Variants in CASD1 observed in about 807,000 individuals in gnomAD.
CASD1 encodes CAS1 domain sialic acid O acetyltransferase 1.
A neutral mutation model predicts 100.0 loss-of-function variants in CASD1; 41 were observed. The observed-to-expected ratio is 0.41, with a 90% CI of 0.32 to 0.53. The LOEUF (loss-of-function observed/expected upper bound fraction) is 0.53. Ranked by LOEUF, CASD1 falls within the 20% of genes least tolerant of loss-of-function variation. The probability of loss-of-function intolerance (pLI) is 0.25; values close to 1 mark genes in which losing one functional copy is unlikely to be tolerated. For synonymous variants in CASD1, 321 were observed against 315.6 expected, an observed-to-expected ratio of 1.02 and a Z score of -0.18; for missense variants, 774 against 948.7, an observed-to-expected ratio of 0.82 and a Z score of 2.42.
intron 7 of CASD1, 29 bp downstream of exon 7, chr7:94,533,831 CTT>C: frequency 6.6e-7 from 1 of 1,510,668 alleles, no homozygotes. Context: ...AAAAATGTCA[CTT>C]TGTGTATATT....
intron 13 of CASD1, among the ~76,000 whole-genome samples, chr7:94,547,392 C>T (rs1250332685): frequency 6.6e-6 from 1 of 151,798 alleles, no homozygotes; most frequent in East Asian, 1.9e-4. Context: ...AAAGCTCTTC[C>T]TCTGGCAGTT....
At chr7:94,511,963 G>A (rs1004738267) in intron 1 of CASD1, among the ~76,000 whole-genome samples, 1 of 152,202 alleles carries the variant, frequency 6.6e-6, no homozygotes, top group Non-Finnish European at 1.5e-5. Context: ...GTACTTCAGT[G>A]CCTTGAGTGT....
At chr7:94,630,281 TC>T in the CASD1 span, among the ~76,000 whole-genome samples, 1 of 151,974 alleles carries the variant, frequency 6.6e-6, no homozygotes, top group Admixed American at 6.6e-5. Flanking sequence ...GTGGTAAGAA[TC>T]CATACTATAC....
the CASD1 span, chr7:94,628,245 CCATATAGGACTCCATCA>C: frequency 6.2e-7 from 1 of 1,611,890 alleles, no homozygotes; most frequent in Non-Finnish European, 8.5e-7. Flanking sequence ...TGTTGGGGAC[CCATATAGGACTCCATCA>C]CTATATGGTG....
Position 94,535,317 on chromosome 7 carries a change from T to G in CASD1, c.637T>G (p.Tyr213Asp). The change falls in exon 8 of 18, where the codon TAT becomes GAT. Residue 213 changes from tyrosine (Y) to aspartate (D), a missense_variant. Transcript: ENST00000297273. ...DVYWVLQDPVYEDLLSENRKM... is the reference protein window; with the variant it reads ...DVYWVLQDPVDEDLLSENRKM... Reference sequence around the variant, plus strand: ...ATGTGTCTCACGTGCAGATCCTGTTTATGAAGATCTATTAAGTGAAAATAG... The same window carrying G: ...ATGTGTCTCACGTGCAGATCCTGTTGATGAAGATCTATTAAGTGAAAATAG... 1 of 1,610,310 alleles carries G rather than the reference T, an allele frequency of 6.2e-7. No homozygotes were observed. Among genetic ancestry groups the G allele is most frequent in the Non-Finnish European group, 8.5e-7 (1 of 1,177,250 alleles).
chr7:94,543,370 A>G (rs1795513084), intron 10 of CASD1, among the ~76,000 whole-genome samples: 1 of 152,094 alleles, frequency 6.6e-6, no homozygotes. Context: ...AAAGCAGTGT[A>G]TGGACAGGCG....
Position 94,535,568 on chromosome 7 carries a change from A to G in CASD1, c.843+45A>G, listed in dbSNP as rs755150089. 202 of 1,359,958 alleles carry G rather than the reference A, an allele frequency of 1.5e-4. 1 individual carries two copies. The highest frequency in any genetic ancestry group is 2.0e-4 in the Non-Finnish European group (190 of 954,684). 84.2% of individuals were successfully genotyped at this position (1,359,958 alleles called of 1,614,324 possible). A position where few individuals can be genotyped will look rare whatever the true frequency, so the allele number is the denominator to read the frequency against. On this transcript the variant is annotated intron_variant, in intron 8 of 17. Transcript: ENST00000297273. ...GTCAGTAGATGGAGACTATAATATC[A>G]ATTGCTTTAAGCCATAAGTCATTAT...
chr7:94,614,991 T>A, the CASD1 span, among the ~76,000 whole-genome samples: 1 of 152,160 alleles, frequency 6.6e-6, no homozygotes, highest in African/African-American at 2.4e-5. Context: ...CATTTGCAAA[T>A]ATTTCTATAT....
At chr7:94,577,989 T>C in the CASD1 span, among the ~76,000 whole-genome samples, 204 of 152,278 alleles carry the variant, frequency 1.3e-3, 1 homozygote, top group Non-Finnish European at 2.5e-3. Context: ...TTTTCAAAGC[T>C]ACTGTGGTGC....
At chr7:94,529,642 T>G (rs1319115171) in intron 5 of CASD1, among the ~76,000 whole-genome samples, 1 of 152,162 alleles carries the variant, frequency 6.6e-6, no homozygotes, top group African/African-American at 2.4e-5. Flanking sequence ...GCCAGCTTTG[T>G]GCTGAGTAAT....
At chr7:94,519,148 C>T (rs894796102) in intron 3 of CASD1, among the ~76,000 whole-genome samples, 3 of 151,956 alleles carry the variant, frequency 2.0e-5, no homozygotes, top group Non-Finnish European at 2.9e-5. Context: ...GGAAATTTCT[C>T]GTTTAAAAAT....
Position 94,522,789 on chromosome 7 carries a change from C to T in CASD1, c.352-4373C>T, listed in dbSNP as rs1420204442. Among the ~76,000 whole-genome samples the T allele has an allele frequency of 3.3e-5, 5 of 152,092 alleles. No homozygotes were observed. The East Asian group carries it at 9.6e-4, about 29-fold the overall frequency. The stretch of plus-strand genomic sequence containing the variant: ...TCTCCCGCCTCAGCCTCCCCAGTAG[C>T]TGGGACTACAGGCGCCTGCCACCAC... On this transcript the variant is annotated intron_variant, in intron 3 of 17. Coordinates refer to ENST00000297273, the MANE Select transcript of CASD1 (RefSeq NM_022900.5).
chr7:94,556,020 C>G lies in CASD1; in HGVS notation c.*262C>G, dbSNP rs907163916. 4 of 288,954 alleles carry G rather than the reference C, an allele frequency of 1.4e-5. No homozygotes were observed. Among genetic ancestry groups the G allele is most frequent in the African/African-American group, 8.7e-5 (4 of 45,928 alleles). The allele number at this position is 288,954 out of a possible 1,614,324, so 17.9% of individuals were successfully genotyped here. ...GCATGTGAAGTCTTTTCTACTGAAT[C>G]TATATTTCCATTTGTAAGTGATTTT... On this transcript the variant is annotated 3_prime_UTR_variant, in exon 18 of 18. Coordinates refer to ENST00000297273, the MANE Select transcript of CASD1 (RefSeq NM_022900.5).
At chr7:94,629,369 T>G in the CASD1 span, 77 of 228,096 alleles carry the variant, frequency 3.4e-4, 1 homozygote, top group East Asian at 2.8e-3. Context: ...AACATATGTA[T>G]AGTTTTCCAA....
the CASD1 span, chr7:94,600,983 A>G: frequency 1.3e-6 from 1 of 788,892 alleles, no homozygotes; most frequent in Non-Finnish European, 2.1e-6. Flanking sequence ...CAATTACTTT[A>G]TCACCTCTTG....
the CASD1 span, among the ~76,000 whole-genome samples, chr7:94,572,598 GT>G: frequency 1.3e-5 from 2 of 152,052 alleles, no homozygotes. Flanking sequence ...TTGTAAATTT[GT>G]TTAAGTTCCT....
intron 3 of CASD1, among the ~76,000 whole-genome samples, chr7:94,521,492 T>G (rs1794267067): frequency 6.6e-6 from 1 of 152,196 alleles, no homozygotes; most frequent in Non-Finnish European, 1.5e-5. Context: ...GTACTCTATA[T>G]TCTCTAAAAT....
rs774415976 is a variant in CASD1 at position 94,517,672 on chromosome 7, TTTG to T, written c.230+22_230+24del. 1.3e-6 allele frequency: 2 copies of T among 1,500,700 alleles called. No homozygotes were observed. The highest frequency in any genetic ancestry group is 1.8e-5 in the Admixed American group (1 of 56,968). The allele number at this position is 1,500,700 out of a possible 1,614,324, so 93.0% of individuals were successfully genotyped here. On this transcript the variant is annotated intron_variant, in intron 2 of 17. Coordinates refer to ENST00000297273, the MANE Select transcript of CASD1 (RefSeq NM_022900.5). ...ACAAAATCAGGTAACATTTCTTCATTTTGTTGTTTTCTTTTTCAGGATGGGTCT... is the reference window on the plus strand; with the variant it reads ...ACAAAATCAGGTAACATTTCTTCATTTTGTTTTCTTTTTCAGGATGGGTCT...
the CASD1 span, among the ~76,000 whole-genome samples, chr7:94,630,679 T>C: frequency 3.9e-5 from 6 of 151,950 alleles, no homozygotes; most frequent in Admixed American, 1.3e-4. Context: ...ACTAACACAT[T>C]ATTGCCGTTA....
Sources: gnomAD v4.1 joint callset for allele counts (sites outside exome capture counted in the v4.1 genomes callset) on GRCh38, gnomAD v4.1.1 for gene constraint, MANE v1.5 for transcripts, NCBI Gene and HGNC (gene_info 2026-07-23, HGNC 2026-07-21) for gene names.